Variants in MOK observed in about 807,000 individuals in gnomAD.
The protein encoded by MOK is MAPK/MAK/MRK overlapping kinase.
A neutral mutation model predicts 54.2 loss-of-function variants in MOK; 59 were observed. The ratio of observed to expected loss-of-function variants is 1.09; its 90% CI spans 0.88 to 1.35. MOK has a LOEUF of 1.35. Ranked by LOEUF, MOK falls within the 40% of genes most tolerant of loss-of-function variation. The pLI is 0.00. For missense variants in MOK, 517 were observed against 526.2 expected, an observed-to-expected ratio of 0.98 and a Z score of 0.17; for synonymous variants, 210 against 202.7, an observed-to-expected ratio of 1.04 and a Z score of -0.31.
At chr14:102,226,194 C>T (rs986716014), downstream of MOK, 80 of 611,844 alleles carry the variant, frequency 1.3e-4, no homozygotes, top group Non-Finnish European at 2.1e-4. The surrounding 1 kb of genome is among the most constrained non-coding windows in gnomAD (Gnocchi z 4.8). Context: ...GGCCTGCCCC[C>T]GCCAGTGTGG....
intron 1 of MOK, among the ~76,000 whole-genome samples, chr14:102,297,852 C>T (rs1236653320): frequency 1.3e-5 from 2 of 152,166 alleles, no homozygotes; most frequent in African/African-American, 2.4e-5. Flanking sequence ...GAGGGTGCAC[C>T]GGATACCCTG....
intron 5 of MOK, 42 bp downstream of exon 5, chr14:102,251,875 C>T (rs538324664): frequency 1.3e-6 from 2 of 1,542,394 alleles, no homozygotes; most frequent in Admixed American, 3.5e-5. Flanking sequence ...AATGTTAACA[C>T]ATTTTATTAA....
intron 1 of MOK, 64 bp downstream of exon 1, chr14:102,304,898 C>T: frequency 6.5e-7 from 1 of 1,531,334 alleles, no homozygotes; most frequent in Non-Finnish European, 8.9e-7. Flanking sequence ...CTCAAGCTCC[C>T]CCAGTCCCTC....
the MOK span, among the ~76,000 whole-genome samples, chr14:102,216,054 G>A: frequency 1.3e-5 from 2 of 152,300 alleles, no homozygotes; most frequent in African/African-American, 4.8e-5. Flanking sequence ...GCCTCTGCAT[G>A]TTGGCAGCCG....
In MOK at chr14:102,250,886, A is replaced by T; in HGVS notation, c.516T>A (p.Cys172Ter). Residue 172 changes from cysteine (C) to a stop codon, truncating the protein, a stop_gained, in exon 7 of 12, where the codon TGT becomes TGA. Transcript: ENST00000361847. LOFTEE classifies it high-confidence loss of function. ...ISTRWYRAPE[C>*]LLTDGFYTYK... is the part of the protein sequence containing the mutation. ...ACGTGTAGAACCCATCAGTGAGGAG[A>T]CACTCCGGGGCCCGGTACCAGCGGG... The T allele has an allele frequency of 6.2e-7, 1 of 1,614,044 alleles. No homozygotes were observed. Among genetic ancestry groups the T allele is most frequent in the Non-Finnish European group, 8.5e-7 (1 of 1,180,020 alleles).
chr14:102,223,036 G>C (rs1473488783), downstream of MOK: 1 of 803,756 alleles, frequency 1.2e-6, no homozygotes, highest in African/African-American at 1.7e-5. Context: ...CTCACTCTGC[G>C]GCGCCGTGCT....
chr14:102,215,560 C>T, the MOK span, among the ~76,000 whole-genome samples: 4 of 152,098 alleles, frequency 2.6e-5, no homozygotes, highest in Admixed American at 6.6e-5. Flanking sequence ...CCCATCAACC[C>T]GTCATCTATG....
chr14:102,233,305 C>T (rs946853725), intron 8 of MOK: 1 of 182,606 alleles, frequency 5.5e-6, no homozygotes, highest in African/African-American at 2.4e-5. Flanking sequence ...ACACCTCTTC[C>T]AGGCGTCGGT....
intron 2 of MOK, among the ~76,000 whole-genome samples, chr14:102,278,147 G>T (rs2069060253): frequency 6.6e-6 from 1 of 152,128 alleles, no homozygotes; most frequent in African/African-American, 2.4e-5. Context: ...AGACCTGTCT[G>T]CCAGCATCTT....
intron 3 of MOK, 113 bp from the exon 4 acceptor site, chr14:102,263,729 C>A: frequency 1.6e-6 from 1 of 619,182 alleles, no homozygotes; most frequent in Non-Finnish European, 2.7e-6. Context: ...ACTCCCACAT[C>A]AAATACTACA....
chr14:102,297,649 G>A (rs1393378187), intron 1 of MOK, among the ~76,000 whole-genome samples: 2 of 152,318 alleles, frequency 1.3e-5, no homozygotes, highest in South Asian at 4.1e-4. Context: ...CAGCTTGCGG[G>A]GAGGTGTGGA....
chr14:102,281,323 C>CAA (rs552091844), intron 2 of MOK, among the ~76,000 whole-genome samples: 3 of 127,678 alleles, frequency 2.3e-5, no homozygotes, highest in African/African-American at 2.9e-5. Flanking sequence ...GACTCTGTCT[C>CAA]AAAAAAAAAA....
At chr14:102,254,632 G>A (rs796211979) in intron 4 of MOK, among the ~76,000 whole-genome samples, 11 of 152,138 alleles carry the variant, frequency 7.2e-5, no homozygotes, top group South Asian at 4.2e-4. Flanking sequence ...AGACTCCCAC[G>A]AGTGGGTTGC....
chr14:102,299,105 CCCA>C (rs1461589290), intron 1 of MOK, among the ~76,000 whole-genome samples: 2 of 152,182 alleles, frequency 1.3e-5, no homozygotes, highest in Non-Finnish European at 2.9e-5. Context: ...AGACCAAGAA[CCCA>C]CCAACTGCGG....
chr14:102,303,672 G>A (rs536306088), intron 1 of MOK, among the ~76,000 whole-genome samples: 52 of 152,310 alleles, frequency 3.4e-4, no homozygotes, highest in Non-Finnish European at 6.3e-4. Flanking sequence ...TGATGATGTA[G>A]GAGAATGTCC....
intron 2 of MOK, chr14:102,280,851 A>C (rs928021699): frequency 2.6e-5 from 4 of 152,252 alleles, no homozygotes; most frequent in Non-Finnish European, 4.4e-5. Context: ...AAGAACTTCA[A>C]TAAACTGAGC....
Position 102,301,037 on chromosome 14 carries a change from G to A in MOK, c.7+3925C>T, listed in dbSNP as rs192042657. 2.4e-3 allele frequency among the ~76,000 whole-genome samples: 360 copies of A among 152,322 alleles called. 4 individuals are homozygous for A. The highest frequency in any genetic ancestry group is 7.9e-3 in the African/African-American group (327 of 41,564). On this transcript the variant is annotated intron_variant, in intron 1 of 11. Coordinates refer to ENST00000361847, the MANE Select transcript of MOK (RefSeq NM_014226.3). ...TTGAACCCAGGAGGCAGAGGTTGCA[G>A]TGAGCCAAGATTGTGCCACTGTACT...
In MOK at chr14:102,232,376, G is replaced by A. The variant is rs989825809; in HGVS notation, c.866+159C>T. On this transcript the variant is annotated intron_variant, in intron 9 of 11. Transcript: ENST00000361847. The surrounding 1 kb of genome is among the most constrained non-coding windows in gnomAD (Gnocchi z 5.1). Reference sequence around the variant, plus strand: ...GGAGGATACACCAGAAGGCAGCACGGTGTGGGCCCCAAGAGGCCCTGACCA... The same window carrying A: ...GGAGGATACACCAGAAGGCAGCACGATGTGGGCCCCAAGAGGCCCTGACCA... 1.3e-6 allele frequency: 1 copy of A among 746,950 alleles called. No homozygotes were observed. Among genetic ancestry groups the A allele is most frequent in the Non-Finnish European group, 2.1e-6 (1 of 480,610 alleles). The allele number at this position is 746,950 out of a possible 1,614,324, so 46.3% of individuals were successfully genotyped here.
At chr14:102,248,757 G>A (rs1793954852) in intron 7 of MOK, among the ~76,000 whole-genome samples, 1 of 128,030 alleles carries the variant, frequency 7.8e-6, no homozygotes, top group Non-Finnish European at 1.6e-5. Context: ...CAGTCTGGGC[G>A]ACAGAGCAAG....
Sources: gnomAD v4.1 joint callset for allele counts (sites outside exome capture counted in the v4.1 genomes callset) on GRCh38, gnomAD v4.1.1 for gene constraint, Gnocchi (gnomAD v3.1) non-coding constraint, MANE v1.5 for transcripts, NCBI Gene and HGNC (gene_info 2026-07-23, HGNC 2026-07-21) for gene names.